The following WDR17 variants were observed in gnomAD, a reference collection of about 807,000 sequenced individuals.
WDR17 encodes WD repeat-containing protein 17.
Under a neutral mutation model 161.7 loss-of-function variants are expected in WDR17, and 143 were observed. The ratio of observed to expected loss-of-function variants is 0.88; its 90% confidence interval spans 0.77 to 1.02. The LOEUF is 1.02. WDR17 is among the 50% of genes least tolerant of loss of function. The probability of loss-of-function intolerance (pLI) is 0.00; values close to 1 mark genes in which losing one functional copy is unlikely to be tolerated. For synonymous variants in WDR17, 517 were observed against 515.6 expected, an observed-to-expected ratio of 1.00 and a Z score of -0.04; for missense variants, 1,469 against 1,520.9, an observed-to-expected ratio of 0.97 and a Z score of 0.57.
At chr4:176,086,981 TC>T (rs1319948935) in intron 1 of WDR17, among the ~76,000 whole-genome samples, 1 of 151,954 alleles carries the variant, frequency 6.6e-6, no homozygotes, top group African/African-American at 2.4e-5. Flanking sequence ...TACTTTTACC[TC>T]TTCTTTAATA....
At position 176,128,882 on chromosome 4, in the gene WDR17, A is replaced by C; in HGVS notation, c.913+22A>C. 4.6e-6 allele frequency: 7 copies of C among 1,531,972 alleles called. 1 individual carries two copies. Among genetic ancestry groups the C allele is most frequent in the Non-Finnish European group, 5.3e-6 (6 of 1,141,038 alleles). The allele number at this position is 1,531,972 out of a possible 1,614,324, so 94.9% of individuals were successfully genotyped here. ...AAGTGTAAGTAAAAATGTTATCAAA[A>C]TTTTAATTTTTAAAAAATATTGTGT... On this transcript the variant is annotated intron_variant, in intron 6 of 28. Coordinates refer to ENST00000508596, the MANE Select transcript of WDR17 (RefSeq NM_181265.4).
chr4:176,144,093 G>A (rs957234152), intron 11 of WDR17, among the ~76,000 whole-genome samples: 1 of 151,948 alleles, frequency 6.6e-6, no homozygotes, highest in Non-Finnish European at 1.5e-5. Context: ...TCACCCCAAG[G>A]TTCACTTATA....
chr4:176,175,099 C>T (rs1751251265), intron 26 of WDR17, among the ~76,000 whole-genome samples: 1 of 152,108 alleles, frequency 6.6e-6, no homozygotes, highest in Non-Finnish European at 1.5e-5. Context: ...GCTAGCCCTC[C>T]ATGAATTACG....
At chr4:176,169,740 A>T (rs1375177419) in intron 23 of WDR17, among the ~76,000 whole-genome samples, 1 of 152,192 alleles carries the variant, frequency 6.6e-6, no homozygotes, top group Non-Finnish European at 1.5e-5. Flanking sequence ...GTGTGTGTGA[A>T]TGACAACGTG....
intron 26 of WDR17, 139 bp from the exon 27 acceptor site, chr4:176,176,919 T>G: frequency 1.7e-6 from 1 of 583,432 alleles, no homozygotes; most frequent in East Asian, 2.8e-5. Context: ...CTAGAAAATA[T>G]TCTATATGTA....
At chr4:176,178,679 T>G (rs73005161) in intron 28 of WDR17, among the ~76,000 whole-genome samples, 2,414 of 152,258 alleles carry the variant, frequency 0.016, 72 homozygotes, top group African/African-American at 0.056. Flanking sequence ...TGCCTACTAA[T>G]AGGAGCTGTC....
At chr4:176,136,188 A>G (rs1280008240) in intron 8 of WDR17, among the ~76,000 whole-genome samples, 1 of 151,666 alleles carries the variant, frequency 6.6e-6, no homozygotes, top group Non-Finnish European at 1.5e-5. Context: ...TTCATCTCCT[A>G]CAATGAGGAG....
chr4:176,126,573 T>G (rs1448240302), intron 5 of WDR17, among the ~76,000 whole-genome samples: 1 of 152,094 alleles, frequency 6.6e-6, no homozygotes, highest in African/African-American at 2.4e-5. Flanking sequence ...GGGAAAAAAA[T>G]TCCACAAAAT....
chr4:176,124,721 T>C (rs1742167993), intron 4 of WDR17, among the ~76,000 whole-genome samples: 1 of 152,212 alleles, frequency 6.6e-6, no homozygotes, highest in African/African-American at 2.4e-5. Flanking sequence ...TTTATCCTTT[T>C]AAATCACTAT....
chr4:176,172,234 C>G, intron 23 of WDR17, 141 bp from the exon 24 acceptor site: 1 of 721,350 alleles, frequency 1.4e-6, no homozygotes, highest in Admixed American at 3.5e-5. Context: ...TCTCTTAATT[C>G]AAATAATTTC....
At chr4:176,168,300 T>A (rs1214903521) in intron 22 of WDR17, among the ~76,000 whole-genome samples, 1 of 152,222 alleles carries the variant, frequency 6.6e-6, no homozygotes, top group African/African-American at 2.4e-5. Context: ...TTGACAAGCA[T>A]AACAAAAGTT....
chr4:176,145,347 A>G (rs974830789), intron 11 of WDR17, among the ~76,000 whole-genome samples: 1 of 152,228 alleles, frequency 6.6e-6, no homozygotes, highest in African/African-American at 2.4e-5. Context: ...TACTGAGCAA[A>G]GAACATTAAA....
intron 1 of WDR17, among the ~76,000 whole-genome samples, chr4:176,083,026 GA>G (rs1734955753): frequency 6.6e-6 from 1 of 152,024 alleles, no homozygotes; most frequent in Admixed American, 6.6e-5. Context: ...TAAACTGTTT[GA>G]TAGATTTTCT....
chr4:176,178,152 T>C (rs1751743529), intron 28 of WDR17, among the ~76,000 whole-genome samples: 1 of 152,104 alleles, frequency 6.6e-6, no homozygotes, highest in Non-Finnish European at 1.5e-5. Context: ...GCAGGTTTTG[T>C]CATAGCCACC....
At position 176,127,811 on chromosome 4, in the gene WDR17, G is replaced by A. The variant is rs554458188; in HGVS notation, c.791-927G>A. 9.2e-5 allele frequency among the ~76,000 whole-genome samples: 14 copies of A among 152,034 alleles called. No individual in the cohort carries two copies. The South Asian group carries it at 1.5e-3, about 16-fold the overall frequency. On this transcript the variant is annotated intron_variant, in intron 5 of 28. Coordinates refer to ENST00000508596, the MANE Select transcript of WDR17 (RefSeq NM_181265.4). ...TCCATTACTGCCTCCCTACAGTCCC[G>A]GATACACACATGTGCAAGCATAAAC...
Position 176,179,495 on chromosome 4 carries a change from T to C in WDR17, c.3768T>C (p.Ala1256=). 1.2e-6 allele frequency: 2 copies of C among 1,605,122 alleles called. No homozygotes were observed. Among genetic ancestry groups the C allele is most frequent in the South Asian group, 2.2e-5 (2 of 89,696 alleles). ...PVFFLEDGKS[A]ISLNDALMWA... ...TTTTCCTTGAAGACGGGAAATCTGCTATCTCCTTGAATGATGCTTTGATGT... is the reference window on the plus strand; with the variant it reads ...TTTTCCTTGAAGACGGGAAATCTGCCATCTCCTTGAATGATGCTTTGATGT... Residue 1256 remains alanine (A), a synonymous_variant, in exon 29 of 29, where the codon GCT becomes GCC. Transcript: ENST00000508596.
chr4:176,175,992 T>C (rs1751398140), intron 26 of WDR17, among the ~76,000 whole-genome samples: 1 of 152,202 alleles, frequency 6.6e-6, no homozygotes, highest in South Asian at 2.1e-4. Context: ...TAATATGGAA[T>C]TAATACTATC....
In WDR17 at chr4:176,159,163, G is replaced by A. The variant is rs1748613574; in HGVS notation, c.2526-831G>A. Among the ~76,000 whole-genome samples, 3 of 152,170 alleles carry A rather than the reference G, an allele frequency of 2.0e-5. No individual in the cohort carries two copies. The East Asian group carries it at 5.8e-4, about 29-fold the overall frequency. On this transcript the variant is annotated intron_variant, in intron 18 of 28. Coordinates refer to ENST00000508596, the MANE Select transcript of WDR17 (RefSeq NM_181265.4). ...TGTAAATGCTAGCATAAATTAAATA[G>A]ACCAGGTTATTTTTAAACAAAACTG... is the stretch of plus-strand genomic sequence containing the variant.
chr4:176,126,668 G>A (rs1338600577), intron 5 of WDR17, among the ~76,000 whole-genome samples: 3 of 152,118 alleles, frequency 2.0e-5, no homozygotes, highest in Non-Finnish European at 4.4e-5. Context: ...CTTTGGATTA[G>A]GTATAATAAG....
Sources: allele counts gnomAD v4.1 joint callset (sites outside exome capture counted in the v4.1 genomes callset), GRCh38; gene constraint gnomAD v4.1.1; transcripts MANE v1.5; gene names NCBI Gene and HGNC (gene_info 2026-07-23, HGNC 2026-07-21).